The following STYK1 variants were observed in gnomAD, a reference collection of about 807,000 sequenced individuals.
The protein encoded by STYK1 is tyrosine-protein kinase STYK1.
Under a neutral mutation model 48.1 loss-of-function variants are expected in STYK1, and 46 were observed. That is an observed-to-expected ratio of 0.96 (90% confidence interval 0.75 to 1.22). The LOEUF (loss-of-function observed/expected upper bound fraction) is 1.22. Ranked by LOEUF, STYK1 falls within the 50% of genes most tolerant of loss-of-function variation. The probability of loss-of-function intolerance (pLI) is 0.00; values close to 1 mark genes in which losing one functional copy is unlikely to be tolerated. For synonymous variants in STYK1, 188 were observed against 189.0 expected (o/e 0.99, Z 0.04); for missense variants, 527 against 521.1 (o/e 1.01, Z -0.11).
intron 1 of STYK1, chr12:10,640,808 T>C (rs1033383373): frequency 5.3e-5 from 8 of 152,198 alleles, no homozygotes; most frequent in Non-Finnish European, 1.2e-4. Flanking sequence ...AAGTTTACTT[T>C]GTAGAGGAGA....
intron 1 of STYK1, among the ~76,000 whole-genome samples, chr12:10,665,998 T>A (rs1947830109): frequency 6.6e-6 from 1 of 152,200 alleles, no homozygotes; most frequent in Non-Finnish European, 1.5e-5. Context: ...ATTTTCAGCA[T>A]TCCGTTTGCC....
At chr12:10,634,746 A>G in intron 2 of STYK1, 60 bp from the exon 3 acceptor site, 1 of 1,101,548 alleles carries the variant, frequency 9.1e-7, no homozygotes, top group Non-Finnish European at 1.3e-6. Context: ...AATGAAGTAC[A>G]CACAGAATTT....
At chr12:10,668,769 G>A (rs575063206) in intron 1 of STYK1, among the ~76,000 whole-genome samples, 83 of 152,094 alleles carry the variant, frequency 5.5e-4, no homozygotes, top group African/African-American at 2.0e-3. Context: ...ACTATGCCAA[G>A]ACATGATATC....
At chr12:10,658,452 T>C (rs916159160) in intron 1 of STYK1, among the ~76,000 whole-genome samples, 1 of 152,186 alleles carries the variant, frequency 6.6e-6, no homozygotes, top group Non-Finnish European at 1.5e-5. Context: ...TTCCCTCTAT[T>C]AATGAGTAAA....
rs2120578853 is a variant in STYK1 at position 10,620,272 on chromosome 12, C to G, written c.1141G>C (p.Glu381Gln). ...TCATCTGCAGTTTTAATGGCAGCTT[C>G]TAGGCGCAAGCGCAGCTCTCTAGGT... ...PSPRELRLRL[E>Q]AAIKTADDEA... Residue 381 changes from glutamate to glutamine, a missense_variant, in exon 11 of 11, where the codon GAA (glutamate) becomes CAA (glutamine). Coordinates refer to ENST00000075503, the MANE Select transcript of STYK1 (RefSeq NM_018423.3). 6.2e-7 allele frequency: 1 copy of G among 1,614,154 alleles called. No homozygotes were observed. Among genetic ancestry groups the G allele is most frequent in the Non-Finnish European group, 8.5e-7 (1 of 1,180,042 alleles).
intron 1 of STYK1, among the ~76,000 whole-genome samples, chr12:10,662,676 A>T (rs1363689609): frequency 6.6e-6 from 1 of 152,172 alleles, no homozygotes; most frequent in Non-Finnish European, 1.5e-5. Flanking sequence ...AGAAATGTAC[A>T]TTCAAATCCT....
At chr12:10,648,280 A>G (rs181524859) in intron 1 of STYK1, among the ~76,000 whole-genome samples, 22 of 152,330 alleles carry the variant, frequency 1.4e-4, no homozygotes, top group African/African-American at 5.3e-4. Context: ...AAAAAACTTA[A>G]CATTATAAAT....
At chr12:10,631,376 A>T in intron 4 of STYK1, 68 bp from the exon 5 acceptor site, 1 of 1,569,944 alleles carries the variant, frequency 6.4e-7, no homozygotes, top group Admixed American at 1.8e-5. Flanking sequence ...AGACCCTGAA[A>T]CAAATTGGCA....
intron 1 of STYK1, among the ~76,000 whole-genome samples, chr12:10,664,281 AGAGT>A (rs1947811963): frequency 6.6e-6 from 1 of 152,206 alleles, no homozygotes; most frequent in Non-Finnish European, 1.5e-5. Flanking sequence ...CAGGGACAAG[AGAGT>A]GTGTCCAAAG....
intron 1 of STYK1, among the ~76,000 whole-genome samples, chr12:10,648,713 T>C (rs1339924387): frequency 6.6e-6 from 1 of 152,048 alleles, no homozygotes; most frequent in Admixed American, 6.6e-5. Flanking sequence ...CACTGCAGAC[T>C]TGATCTCCCG....
At chr12:10,664,507 A>T (rs1210704187) in intron 1 of STYK1, among the ~76,000 whole-genome samples, 1 of 152,174 alleles carries the variant, frequency 6.6e-6, no homozygotes, top group Non-Finnish European at 1.5e-5. Flanking sequence ...TATGCCAAGG[A>T]TCAATGAACT....
chr12:10,654,018 G>A (rs1187271134), intron 1 of STYK1, among the ~76,000 whole-genome samples: 1 of 152,182 alleles, frequency 6.6e-6, no homozygotes, highest in East Asian at 1.9e-4. Flanking sequence ...AAGTAAAGAA[G>A]CCAGCCAAAA....
intron 1 of STYK1, among the ~76,000 whole-genome samples, chr12:10,644,067 G>A (rs1947574360): frequency 6.6e-6 from 1 of 152,168 alleles, no homozygotes; most frequent in Admixed American, 6.5e-5. Flanking sequence ...TTTATGCTGA[G>A]TGGAAAAAGC....
Position 10,620,224 on chromosome 12 carries a change from C to T in STYK1, c.1189G>A (p.Glu397Lys). ...GCATACAGTTCAGGTACCACCAACT[C>T]TGGTACTTGTAACACAGCCTCGTCA... Reference protein sequence around the residue: ...ADDEAVLQVPELVVPELYAAV... With the variant: ...ADDEAVLQVPKLVVPELYAAV... The change falls in exon 11 of 11, where the codon GAG (glutamate) becomes AAG (lysine). Residue 397 changes from glutamate to lysine, a missense_variant. Physicochemically the swap from Glu to Lys is moderately conservative, Grantham distance 56. Transcript: ENST00000075503. The T allele has an allele frequency of 6.2e-7, 1 of 1,614,230 alleles. No homozygotes were observed. Among genetic ancestry groups the T allele is most frequent in the Non-Finnish European group, 8.5e-7 (1 of 1,180,036 alleles).
intron 3 of STYK1, 24 bp downstream of exon 3, chr12:10,634,543 G>C: frequency 6.2e-7 from 1 of 1,609,324 alleles, no homozygotes; most frequent in Non-Finnish European, 8.5e-7. Flanking sequence ...TCAGAGGATA[G>C]ACATCTGTGG....
At chr12:10,658,602 T>C (rs1947743953) in intron 1 of STYK1, among the ~76,000 whole-genome samples, 1 of 152,192 alleles carries the variant, frequency 6.6e-6, no homozygotes, top group Non-Finnish European at 1.5e-5. Flanking sequence ...AATGGTAAAT[T>C]ATGTCTTTTT....
intron 9 of STYK1, among the ~76,000 whole-genome samples, 180 bp from the exon 10 acceptor site, chr12:10,622,152 A>G (rs1865918064): frequency 6.6e-6 from 1 of 152,156 alleles, no homozygotes; most frequent in Non-Finnish European, 1.5e-5. Flanking sequence ...AATTGGGGGG[A>G]AAGGTGTTTT....
chr12:10,623,994 A>G (rs757233877), intron 8 of STYK1, among the ~76,000 whole-genome samples: 1 of 152,142 alleles, frequency 6.6e-6, no homozygotes, highest in Non-Finnish European at 1.5e-5. Flanking sequence ...TATTTTAACA[A>G]TGTATGGGTT....
At chr12:10,659,040 G>T (rs1947748491) in intron 1 of STYK1, among the ~76,000 whole-genome samples, 2 of 152,184 alleles carry the variant, frequency 1.3e-5, no homozygotes, top group Non-Finnish European at 2.9e-5. Context: ...TAACTTTGGA[G>T]ATTGTGACAT....
Sources: allele counts gnomAD v4.1 joint callset (sites outside exome capture counted in the v4.1 genomes callset), GRCh38; gene constraint gnomAD v4.1.1; transcripts MANE v1.5; gene names NCBI Gene and HGNC (gene_info 2026-07-23, HGNC 2026-07-21).